URI1: variants seen among roughly 807,000 people sequenced by gnomAD.
URI1 encodes the protein URI1 prefoldin like chaperone, also known as unconventional prefoldin RPB5 interactor 1.
Under a neutral mutation model 60.2 loss-of-function variants are expected in URI1, and 39 were observed. That is an observed-to-expected ratio of 0.65 (90% CI 0.50 to 0.85). The LOEUF is 0.85. Among genes scored for constraint, URI1 ranks in the 40% least tolerant of loss-of-function variants. The probability of loss-of-function intolerance (pLI) is 0.00; values close to 1 mark genes in which losing one functional copy is unlikely to be tolerated. For synonymous variants in URI1, 251 were observed against 236.8 expected (o/e 1.06, Z -0.55); for missense variants, 691 against 665.9 (o/e 1.04, Z -0.42).
At chr19:29,923,762 G>T (rs2054842244) in intron 1 of URI1, 1 of 1,536,370 alleles carries the variant, frequency 6.5e-7, no homozygotes, top group African/African-American at 1.4e-5. Context: ...TTGGTGAGTT[G>T]AAGCTTGACA....
chr19:29,979,103 A>G (rs1433604661), intron 2 of URI1, among the ~76,000 whole-genome samples: 1 of 152,216 alleles, frequency 6.6e-6, no homozygotes, highest in Non-Finnish European at 1.5e-5. Flanking sequence ...TTTAGAAAGA[A>G]AATATAGAAA....
chr19:29,971,278 T>TGATCAGTATGGGGTAA, intron 2 of URI1, 51 bp downstream of exon 2: 1 of 1,580,248 alleles, frequency 6.3e-7, no homozygotes, highest in Non-Finnish European at 8.7e-7. Context: ...TGGGGTAACC[T>TGATCAGTATGGGGTAA]ACTTGTGTTC....
At position 29,959,676 on chromosome 19, in the gene URI1, T is replaced by C. The variant is rs2055297359; in HGVS notation, c.118-11517T>C. Among the ~76,000 whole-genome samples the C allele has an allele frequency of 2.6e-5, 4 of 152,358 alleles. No homozygotes were observed. The South Asian group carries it at 8.3e-4, about 32-fold the overall frequency. On this transcript the variant is annotated intron_variant, in intron 1 of 10. Coordinates refer to ENST00000392271, the MANE Select transcript of URI1 (RefSeq NM_003796.3). ...TTATCATAATATCCTGTTATCTTTT[T>C]ATTATCAGTAGATTTGGTGGTGATG... is the stretch of plus-strand genomic sequence containing the variant.
At chr19:29,955,207 G>A (rs1023573178) in intron 1 of URI1, among the ~76,000 whole-genome samples, 3 of 151,072 alleles carry the variant, frequency 2.0e-5, no homozygotes, top group African/African-American at 4.9e-5. Context: ...CTCGTGATCC[G>A]CCTGCCTCGG....
chr19:29,942,152 C>T (rs1389603206), upstream of URI1: 10 of 949,176 alleles, frequency 1.1e-5, no homozygotes, highest in Non-Finnish European at 1.3e-5. Flanking sequence ...ATCAAGCGCA[C>T]TCCCCTGGGG....
At chr19:29,956,711 C>T in intron 1 of URI1, 1 of 1,553,822 alleles carries the variant, frequency 6.4e-7, no homozygotes, top group African/African-American at 1.4e-5. Flanking sequence ...ATACACAGAC[C>T]TCATCTTGTA....
intron 1 of URI1, among the ~76,000 whole-genome samples, chr19:29,946,517 C>T (rs1434150164): frequency 1.3e-5 from 2 of 152,102 alleles, no homozygotes; most frequent in Admixed American, 6.6e-5. Flanking sequence ...TTAGAAAATT[C>T]ATTAGGATAA....
chr19:29,965,154 G>A (rs1413793787), intron 1 of URI1, among the ~76,000 whole-genome samples: 1 of 152,112 alleles, frequency 6.6e-6, no homozygotes, highest in Non-Finnish European at 1.5e-5. Flanking sequence ...TCCTATAGTG[G>A]TCTTTCTTTT....
At chr19:29,971,282 T>TGGG in intron 2 of URI1, 55 bp downstream of exon 2, 1 of 1,566,412 alleles carries the variant, frequency 6.4e-7, no homozygotes, top group Non-Finnish European at 8.8e-7. Context: ...GTAACCTACT[T>TGGG]GTGTTCAAAT....
At chr19:29,942,102 G>C (rs978219087), upstream of URI1, 1 of 485,284 alleles carries the variant, frequency 2.1e-6, no homozygotes. Flanking sequence ...TACAAACGCA[G>C]CCCAGCGCGG....
chr19:29,942,698 C>A, intron 1 of URI1, 34 bp downstream of exon 1: 1 of 1,364,658 alleles, frequency 7.3e-7, no homozygotes, highest in South Asian at 1.8e-5. Flanking sequence ...TCCGCCTCCG[C>A]CCGCCGGGCT....
chr19:29,946,696 T>G (rs2055107209), intron 1 of URI1, among the ~76,000 whole-genome samples: 1 of 152,230 alleles, frequency 6.6e-6, no homozygotes, highest in South Asian at 2.1e-4. Context: ...ATATTTCTTG[T>G]GATAAACTAA....
chr19:29,972,163 T>C (rs1285171208), intron 2 of URI1, among the ~76,000 whole-genome samples: 1 of 152,104 alleles, frequency 6.6e-6, no homozygotes, highest in Non-Finnish European at 1.5e-5. Context: ...TGAAAATTGG[T>C]GCAATCTGTA....
intron 4 of URI1, among the ~76,000 whole-genome samples, chr19:29,997,762 A>G (rs758051726): frequency 5.3e-5 from 8 of 151,330 alleles, no homozygotes; most frequent in Non-Finnish European, 1.0e-4. Flanking sequence ...GTCTCAGGGT[A>G]TTTTCTCTTT....
intron 1 of URI1, among the ~76,000 whole-genome samples, chr19:29,958,349 C>T (rs554621453): frequency 7.4e-4 from 113 of 152,150 alleles, no homozygotes; most frequent in African/African-American, 2.5e-3. Context: ...TACAGATGTT[C>T]GTAGTTGGCT....
intron 1 of URI1, among the ~76,000 whole-genome samples, chr19:29,952,496 T>G (rs1296753156): frequency 1.3e-5 from 2 of 152,228 alleles, no homozygotes; most frequent in South Asian, 2.1e-4. Context: ...GCATGTAGTT[T>G]TCTTCCTCCA....
chr19:29,942,151 A>T (rs1165010452), upstream of URI1: 14 of 945,230 alleles, frequency 1.5e-5, no homozygotes, highest in Middle Eastern at 1.1e-3. Context: ...CATCAAGCGC[A>T]CTCCCCTGGG....
At position 30,016,307 on chromosome 19, in the gene URI1, A is replaced by G. The variant is rs1270691535; in HGVS notation, c.*1238A>G. 6.6e-6 allele frequency: 1 copy of G among 152,142 alleles called. No individual in the cohort carries two copies. Among genetic ancestry groups the G allele is most frequent in the Non-Finnish European group, 1.5e-5 (1 of 67,978 alleles). 9.4% of individuals were successfully genotyped at this position (152,142 alleles called of 1,614,324 possible). ...AGCTTGCATCCCCACTAGTTAATGG[A>G]TAATTCAAACCGAGGACTGATTTTG... On this transcript the variant is annotated 3_prime_UTR_variant, in exon 11 of 11. Transcript: ENST00000392271.
chr19:30,014,836 G>T (rs1262801747), intron 10 of URI1, 51 bp from the exon 11 acceptor site: 26 of 1,520,604 alleles, frequency 1.7e-5, no homozygotes, highest in Non-Finnish European at 2.3e-5. Flanking sequence ...GGAAGATTTT[G>T]TGGGTGTCTT....
Sources: gnomAD v4.1 joint callset for allele counts (sites outside exome capture counted in the v4.1 genomes callset) on GRCh38, gnomAD v4.1.1 for gene constraint, MANE v1.5 for transcripts, NCBI Gene and HGNC (gene_info 2026-07-23, HGNC 2026-07-21) for gene names.